RAI14: variants seen among roughly 807,000 people sequenced by gnomAD.
RAI14 encodes ankycorbin.
Under a neutral mutation model 115.4 loss-of-function variants are expected in RAI14, and 45 were observed. That is an observed-to-expected ratio of 0.39 (90% CI 0.31 to 0.50). RAI14 has a LOEUF of 0.50. Ranked by LOEUF, RAI14 falls within the 20% of genes least tolerant of loss-of-function variation. The pLI is 0.85. For missense variants in RAI14, 939 were observed against 1,131.2 expected, an observed-to-expected ratio of 0.83 and a Z score of 2.44; for synonymous variants, 371 against 415.4, an observed-to-expected ratio of 0.89 and a Z score of 1.30.
chr5:34,771,862 C>A (rs1750204587), intron 3 of RAI14, among the ~76,000 whole-genome samples: 1 of 152,140 alleles, frequency 6.6e-6, no homozygotes, highest in Non-Finnish European at 1.5e-5. Context: ...TAAAGACTAG[C>A]ACAACCAGTA....
chr5:34,794,069 G>A (rs1244902629), intron 3 of RAI14, among the ~76,000 whole-genome samples: 1 of 152,154 alleles, frequency 6.6e-6, no homozygotes, highest in African/African-American at 2.4e-5. Context: ...AGAAGTGGAG[G>A]AATTATTGCA....
chr5:34,822,183 TAA>T (rs1299770026), intron 14 of RAI14, among the ~76,000 whole-genome samples: 3 of 147,340 alleles, frequency 2.0e-5, no homozygotes, highest in African/African-American at 7.4e-5. Context: ...GCATAATATA[TAA>T]TTTTATATTT....
rs1314548170 is a variant in RAI14 at position 34,739,635 on chromosome 5, A to C, written c.37-17833A>C. On this transcript the variant is annotated intron_variant, in intron 2 of 17. Coordinates refer to ENST00000265109, the MANE Select transcript of RAI14 (RefSeq NM_015577.3). ...GCTACTTCCTCAGTGTTTTAGTAGC[A>C]ATATTATCTGTTAAGCCCAGTGTTC... Among the ~76,000 whole-genome samples, 5 of 152,326 alleles carry C rather than the reference A, an allele frequency of 3.3e-5. No homozygotes were observed. In the East Asian group the frequency reaches 9.6e-4, roughly 29 times the overall value.
intron 2 of RAI14, among the ~76,000 whole-genome samples, chr5:34,753,307 C>T (rs1177622535): frequency 1.3e-5 from 2 of 152,110 alleles, no homozygotes; most frequent in Non-Finnish European, 2.9e-5. Flanking sequence ...ATTTATTTGA[C>T]CAGCTCTACT....
intron 13 of RAI14, 23 bp from the exon 14 acceptor site, chr5:34,821,709 T>C (rs760293807): frequency 1.5e-6 from 2 of 1,326,466 alleles, no homozygotes; most frequent in Non-Finnish European, 2.2e-6. Context: ...TTTTATATTT[T>C]AAATGGCTTT....
chr5:34,765,257 AG>A (rs1368960885), intron 3 of RAI14, among the ~76,000 whole-genome samples: 1 of 152,214 alleles, frequency 6.6e-6, no homozygotes, highest in African/African-American at 2.4e-5. Flanking sequence ...AAAATGTGGA[AG>A]TGACTTTGGA....
Position 34,811,008 on chromosome 5 carries a change from C to T in RAI14, c.451-4C>T, listed in dbSNP as rs2150257076. 1 of 1,612,680 alleles carries T rather than the reference C, an allele frequency of 6.2e-7. No homozygotes were observed. Among genetic ancestry groups the T allele is most frequent in the East Asian group, 2.2e-5 (1 of 44,816 alleles). The stretch of plus-strand genomic sequence containing the variant: ...TAAAATCTAAATCTGAATTTGTCTC[C>T]TAGGATGGGAATATACCGCTGCTTC... On this transcript the variant is annotated splice_region_variant and splice_polypyrimidine_tract_variant and intron_variant, in intron 7 of 17. Coordinates refer to ENST00000265109, the MANE Select transcript of RAI14 (RefSeq NM_015577.3).
intron 1 of RAI14, chr5:34,684,945 CATTT>C (rs1744701733): frequency 6.6e-6 from 1 of 152,158 alleles, no homozygotes; most frequent in Non-Finnish European, 1.5e-5. Flanking sequence ...CTTGACGTGA[CATTT>C]ATTTAGCACT....
intron 13 of RAI14, among the ~76,000 whole-genome samples, chr5:34,821,250 A>G (rs57042791): frequency 0.29 from 43,875 of 152,036 alleles, 7,232 homozygotes; most frequent in African/African-American, 0.44. Context: ...TGCAGGCTAC[A>G]GTTTCACTGG....
chr5:34,787,168 G>A (rs1247034491), intron 3 of RAI14, among the ~76,000 whole-genome samples: 1 of 152,220 alleles, frequency 6.6e-6, no homozygotes, highest in East Asian at 1.9e-4. Flanking sequence ...CAGTGCTGCA[G>A]AGATTTTATC....
At chr5:34,681,621 A>C (rs896646148) in intron 1 of RAI14, among the ~76,000 whole-genome samples, 5 of 152,040 alleles carry the variant, frequency 3.3e-5, no homozygotes, top group Admixed American at 1.3e-4. Context: ...CAACCTCCTG[A>C]GTAGCTAGGA....
At chr5:34,702,456 G>A (rs1561255372) in intron 2 of RAI14, among the ~76,000 whole-genome samples, 1 of 152,182 alleles carries the variant, frequency 6.6e-6, no homozygotes, top group African/African-American at 2.4e-5. Flanking sequence ...GCCAGCCTGG[G>A]CGATCAAGCA....
At chr5:34,659,967 CAG>C (rs1742567598) in intron 1 of RAI14, among the ~76,000 whole-genome samples, 1 of 151,072 alleles carries the variant, frequency 6.6e-6, no homozygotes, top group Non-Finnish European at 1.5e-5. Flanking sequence ...TGCTTGAACT[CAG>C]GAGTTCAAAA....
intron 7 of RAI14, among the ~76,000 whole-genome samples, chr5:34,810,796 A>G (rs1481826760): frequency 6.6e-6 from 1 of 152,108 alleles, no homozygotes; most frequent in East Asian, 1.9e-4. Context: ...TGGAGCTCCT[A>G]TGTAAAAGCT....
At position 34,665,023 on chromosome 5, in the gene RAI14, ATATATATATG is replaced by A. The variant is rs1340939271; in HGVS notation, c.-49+8560_-49+8569del. 1.2e-3 allele frequency among the ~76,000 whole-genome samples: 47 copies of A among 38,200 alleles called. 11 individuals carry two copies. Among genetic ancestry groups the A allele is most frequent in the East Asian group, 3.3e-3 (4 of 1,222 alleles). The allele number at this position is 38,200 out of a possible 152,430, so 25.1% of individuals were successfully genotyped here. A position where few individuals can be genotyped will look rare whatever the true frequency, so the allele number is the denominator to read the frequency against. ...TATGTGTATATATATATATATGTGT[ATATATATATG>A]TATATATATGTGTATATATATGTGT... On this transcript the variant is annotated intron_variant, in intron 1 of 17. Coordinates refer to ENST00000265109, the MANE Select transcript of RAI14 (RefSeq NM_015577.3).
At position 34,793,985 on chromosome 5, in the gene RAI14, T is replaced by C. The variant is rs79926931; in HGVS notation, c.168-1954T>C. On this transcript the variant is annotated intron_variant, in intron 3 of 17. Transcript: ENST00000265109. ...AAGGCTGGGAAACTTTTAGAAACCT[T>C]CCACCAAGATTAATAAAAGACTTAC... Among the ~76,000 whole-genome samples, 1,378 of 152,306 alleles carry C rather than the reference T, an allele frequency of 9.0e-3. 21 individuals carry two copies. Among genetic ancestry groups the C allele is most frequent in the African/African-American group, 0.031 (1,293 of 41,548 alleles).
At chr5:34,763,380 A>G (rs984427406) in intron 3 of RAI14, among the ~76,000 whole-genome samples, 1 of 152,106 alleles carries the variant, frequency 6.6e-6, no homozygotes, top group African/African-American at 2.4e-5. Flanking sequence ...AGACCTGTTG[A>G]TATTTGTCAG....
intron 2 of RAI14, among the ~76,000 whole-genome samples, chr5:34,697,949 G>A (rs915005817): frequency 6.6e-6 from 1 of 152,012 alleles, no homozygotes; most frequent in African/African-American, 2.4e-5. Flanking sequence ...AATATAACCT[G>A]TGATCTTATT....
chr5:34,770,144 C>T (rs570360601), intron 3 of RAI14, among the ~76,000 whole-genome samples: 38 of 152,256 alleles, frequency 2.5e-4, no homozygotes, highest in African/African-American at 8.4e-4. Context: ...GACAGGATCC[C>T]GACATTGCGC....
Sources: allele counts gnomAD v4.1 joint callset (sites outside exome capture counted in the v4.1 genomes callset), GRCh38; gene constraint gnomAD v4.1.1; transcripts MANE v1.5; gene names NCBI Gene and HGNC (gene_info 2026-07-23, HGNC 2026-07-21).